The following MARCHF3 variants were observed in gnomAD, a reference collection of about 807,000 sequenced individuals.
The protein encoded by MARCHF3 is membrane associated ring-CH-type finger 3, also known as E3 ubiquitin-protein ligase MARCHF3.
MARCHF3 carries 13 observed loss-of-function variants against 24.2 expected under a neutral mutation model. That is an observed-to-expected ratio of 0.54 (90% CI 0.35 to 0.85). The LOEUF (loss-of-function observed/expected upper bound fraction) is 0.85, where lower values mean the gene tolerates loss of function less well. Ranked by LOEUF, MARCHF3 falls within the 40% of genes least tolerant of loss-of-function variation. The pLI is 0.01. For missense variants in MARCHF3, 276 were observed against 325.0 expected, an observed-to-expected ratio of 0.85 and a Z score of 1.16; for synonymous variants, 144 against 137.3, an observed-to-expected ratio of 1.05 and a Z score of -0.34.
At chr5:126,928,499 T>C (rs1033963647) in intron 1 of MARCHF3, among the ~76,000 whole-genome samples, 2 of 152,214 alleles carry the variant, frequency 1.3e-5, no homozygotes, top group African/African-American at 2.4e-5. Context: ...TTTTAAAATG[T>C]TCAATTCTCA....
At position 126,900,518 on chromosome 5, in the gene MARCHF3, A is replaced by G. The variant is rs1305053188; in HGVS notation, c.393+14412T>C. ...TGCAACCAGGAGGAGGACCCTCACT[A>G]GAACCCAACTATGTCGGCACCCTGA... On this transcript the variant is annotated intron_variant, in intron 3 of 4. Coordinates refer to ENST00000308660, the MANE Select transcript of MARCHF3 (RefSeq NM_178450.5). Among the ~76,000 whole-genome samples the G allele has an allele frequency of 2.6e-5, 4 of 151,882 alleles. No individual in the cohort carries two copies. The Admixed American group carries it at 2.6e-4, about 10-fold the overall frequency.
intron 1 of MARCHF3, among the ~76,000 whole-genome samples, chr5:126,945,117 A>C (rs1335629558): frequency 6.6e-6 from 1 of 152,220 alleles, no homozygotes; most frequent in Non-Finnish European, 1.5e-5. Flanking sequence ...CAAGAGAGGC[A>C]TACAGTGGTG....
intron 1 of MARCHF3, among the ~76,000 whole-genome samples, chr5:126,962,914 T>A (rs1750689295): frequency 6.6e-6 from 1 of 151,954 alleles, no homozygotes; most frequent in Admixed American, 6.6e-5. Flanking sequence ...GCACTTGTGA[T>A]GCTGTAACCT....
chr5:126,982,344 G>C (rs781214466), intron 1 of MARCHF3, among the ~76,000 whole-genome samples: 4 of 152,220 alleles, frequency 2.6e-5, no homozygotes, highest in Non-Finnish European at 2.9e-5. Flanking sequence ...TGGATGGACA[G>C]CAGCAAATGG....
At chr5:127,020,482 A>G (rs971297527) in intron 1 of MARCHF3, among the ~76,000 whole-genome samples, 4 of 152,184 alleles carry the variant, frequency 2.6e-5, no homozygotes, top group African/African-American at 7.2e-5. Context: ...CTAATCCCCA[A>G]TGTGATAGTA....
chr5:126,967,420 C>T (rs1750855816), intron 1 of MARCHF3, among the ~76,000 whole-genome samples: 1 of 152,166 alleles, frequency 6.6e-6, no homozygotes, highest in Non-Finnish European at 1.5e-5. Flanking sequence ...AGGCCTGGTG[C>T]GGTGGCTCAA....
intron 3 of MARCHF3, among the ~76,000 whole-genome samples, chr5:126,909,577 G>A (rs909686736): frequency 1.3e-5 from 2 of 152,182 alleles, no homozygotes; most frequent in African/African-American, 2.4e-5. Context: ...GGAGTGACTC[G>A]ATTTTCCAGG....
intron 1 of MARCHF3, among the ~76,000 whole-genome samples, chr5:126,941,012 G>A (rs550296604): frequency 1.2e-4 from 19 of 152,020 alleles, no homozygotes; most frequent in African/African-American, 4.3e-4. Flanking sequence ...AATGGAAGTC[G>A]GAAACTTTAA....
chr5:126,941,048 T>C (rs1026352820), intron 1 of MARCHF3, among the ~76,000 whole-genome samples: 12 of 152,212 alleles, frequency 7.9e-5, no homozygotes, highest in Admixed American at 5.9e-4. Context: ...GAATGTGACA[T>C]GGATGGTAGA....
chr5:126,917,018 G>A (rs1748884764), intron 2 of MARCHF3, among the ~76,000 whole-genome samples: 1 of 152,314 alleles, frequency 6.6e-6, no homozygotes, highest in African/African-American at 2.4e-5. Context: ...GCATGGGAGT[G>A]TGATTCAGTG....
At chr5:126,924,086 T>C (rs911286160) in intron 1 of MARCHF3, among the ~76,000 whole-genome samples, 6 of 152,148 alleles carry the variant, frequency 3.9e-5, no homozygotes, top group African/African-American at 1.4e-4. Context: ...AGACCCTCAC[T>C]GGGGTGGCAG....
intron 3 of MARCHF3, chr5:126,899,239 TTCTTA>T: frequency 1.0e-6 from 1 of 985,340 alleles, no homozygotes; most frequent in Non-Finnish European, 1.2e-6. Context: ...CAGGGGTGTT[TTCTTA>T]TCTTCCCCCA....
At chr5:127,023,734 AAATAAAT>A (rs1475663167) in intron 1 of MARCHF3, among the ~76,000 whole-genome samples, 3 of 24,152 alleles carry the variant, frequency 1.2e-4, no homozygotes, top group Non-Finnish European at 2.3e-4. Context: ...CTGTCTCAAA[AAATAAAT>A]AAATAAATAA....
At chr5:126,876,892 C>T (rs1254881943) in intron 4 of MARCHF3, among the ~76,000 whole-genome samples, 3 of 152,124 alleles carry the variant, frequency 2.0e-5, no homozygotes, top group East Asian at 1.9e-4. Flanking sequence ...TCAAGTGATC[C>T]GCCCGCCTCA....
intron 1 of MARCHF3, among the ~76,000 whole-genome samples, chr5:126,926,173 C>T (rs539796598): frequency 6.6e-6 from 1 of 152,258 alleles, no homozygotes; most frequent in East Asian, 1.9e-4. Flanking sequence ...AATTCTTAAC[C>T]CAAGCCTCCA....
At chr5:126,889,258 A>G (rs1339486055) in intron 3 of MARCHF3, among the ~76,000 whole-genome samples, 2 of 152,094 alleles carry the variant, frequency 1.3e-5, no homozygotes, top group African/African-American at 4.8e-5. Flanking sequence ...GATACACTGT[A>G]CCAGGACAGT....
At position 126,955,460 on chromosome 5, in the gene MARCHF3, A is replaced by T. The variant is rs553907396; in HGVS notation, c.-56-37233T>A. On this transcript the variant is annotated intron_variant, in intron 1 of 4. Coordinates refer to ENST00000308660, the MANE Select transcript of MARCHF3 (RefSeq NM_178450.5). ...CCACACTACATGCCCAGTTTCGTTC[A>T]TCCGGCCCAATATTTGGACAGTCAT... Among the ~76,000 whole-genome samples the T allele has an allele frequency of 4.6e-5, 7 of 152,292 alleles. No homozygotes were observed. In the South Asian group the frequency reaches 1.4e-3, roughly 32 times the overall value.
At chr5:126,917,263 G>A (rs532571950) in intron 2 of MARCHF3, among the ~76,000 whole-genome samples, 1 of 152,330 alleles carries the variant, frequency 6.6e-6, no homozygotes, top group East Asian at 1.9e-4. Flanking sequence ...GTTCCTATTA[G>A]CCTGGCAGCC....
Position 126,978,106 on chromosome 5 carries a change from G to C in MARCHF3, c.-57+52244C>G, listed in dbSNP as rs545813776. Among the ~76,000 whole-genome samples the C allele has an allele frequency of 1.7e-4, 26 of 152,326 alleles. 1 individual carries two copies. In the South Asian group the frequency reaches 5.4e-3, roughly 32 times the overall value. On this transcript the variant is annotated intron_variant, in intron 1 of 4. Transcript: ENST00000308660. The stretch of plus-strand genomic sequence containing the variant: ...AGAAAGGCTTTGGCAGTTGAGTATT[G>C]TATGTTGGGAATCTTGTGATGTTTT...
Sources: gnomAD v4.1 joint callset for allele counts (sites outside exome capture counted in the v4.1 genomes callset) on GRCh38, gnomAD v4.1.1 for gene constraint, MANE v1.5 for transcripts, NCBI Gene and HGNC (gene_info 2026-07-23, HGNC 2026-07-21) for gene names.